Variants in AGAP9 observed in about 807,000 individuals in gnomAD.
The protein encoded by AGAP9 is ArfGAP with GTPase domain, ankyrin repeat and PH domain 9.
In AGAP9, 23 loss-of-function variants were observed where a neutral mutation model predicts 55.6. The observed-to-expected ratio is 0.41, with a 90% confidence interval of 0.30 to 0.59. The LOEUF (loss-of-function observed/expected upper bound fraction) is 0.59. Ranked by LOEUF, AGAP9 falls within the 20% of genes least tolerant of loss-of-function variation. The probability of loss-of-function intolerance (pLI) is 0.25; values close to 1 mark genes in which losing one functional copy is unlikely to be tolerated. For synonymous variants in AGAP9, 120 were observed against 305.0 expected, an observed-to-expected ratio of 0.39 and a Z score of 6.32; for missense variants, 309 against 808.1, an observed-to-expected ratio of 0.38 and a Z score of 7.49.
chr10:47,502,805 T>A lies in AGAP9; in HGVS notation c.1324A>T (p.Ile442Phe), dbSNP rs1840382606. 6.3e-7 allele frequency: 1 copy of A among 1,590,560 alleles called. No individual in the cohort carries two copies. The highest frequency in any genetic ancestry group is 1.4e-5 in the African/African-American group (1 of 72,910). Residue 442 changes from isoleucine (I) to phenylalanine (F), a missense_variant, in exon 8 of 8, where the codon ATC (isoleucine) becomes TTC (phenylalanine). Coordinates refer to ENST00000452145, the MANE Select transcript of AGAP9 (RefSeq NM_001190810.1). Reference protein sequence around the residue: ...DAWVQAIQSQILASLQSCKSS... With the variant: ...DAWVQAIQSQFLASLQSCKSS... Reference sequence around the variant, plus strand: ...TTGCATGACTGCAGGCTGGCCAGGATCTGGCTCTGGATGGCTTGGACCCAG... The same window carrying A: ...TTGCATGACTGCAGGCTGGCCAGGAACTGGCTCTGGATGGCTTGGACCCAG...
intron 2 of AGAP9, among the ~76,000 whole-genome samples, chr10:47,522,072 C>A (rs1246611333): frequency 1.3e-5 from 2 of 150,612 alleles, no homozygotes; most frequent in East Asian, 4.0e-4. Flanking sequence ...CAGGCGTGAG[C>A]CACCAAGCCC....
chr10:47,521,423 C>G (rs1170539678), intron 2 of AGAP9, among the ~76,000 whole-genome samples: 1 of 140,064 alleles, frequency 7.1e-6, no homozygotes. Flanking sequence ...GAAGATAGTA[C>G]TTCCAAGTTA....
At chr10:47,507,257 A>AGG (rs1282391622) in intron 6 of AGAP9, among the ~76,000 whole-genome samples, 16 of 116,720 alleles carry the variant, frequency 1.4e-4, no homozygotes, top group African/African-American at 4.7e-4. Flanking sequence ...TAATATCAAC[A>AGG]GTGGTAAGGC....
intron 6 of AGAP9, among the ~76,000 whole-genome samples, chr10:47,506,643 T>G (rs1170566266): frequency 4.2e-5 from 6 of 141,828 alleles, no homozygotes; most frequent in Non-Finnish European, 7.7e-5. Context: ...TTATTGCTTT[T>G]TTTGTTTGTT....
In AGAP9 at chr10:47,510,130, G is replaced by A. The variant is rs1408712192; in HGVS notation, c.497+41C>T. 3.9e-5 allele frequency: 46 copies of A among 1,185,148 alleles called. 7 individuals carry two copies. The highest frequency in any genetic ancestry group is 6.2e-5 in the South Asian group (4 of 64,436). The allele number at this position is 1,185,148 out of a possible 1,614,324, so 73.4% of individuals were successfully genotyped here. On this transcript the variant is annotated intron_variant, in intron 5 of 7. Transcript: ENST00000452145. ...CAACCAAATGGCTGAAATAATTTCC[G>A]AATAAAGGAATCTGTCCCTCGGCAG...
At position 47,502,225 on chromosome 10, in the gene AGAP9, C is replaced by G. The variant is rs1381971109; in HGVS notation, c.1904G>C (p.Gly635Ala). The G allele has an allele frequency of 6.4e-7, 1 of 1,574,144 alleles. No individual in the cohort carries two copies. Among genetic ancestry groups the G allele is most frequent in the Non-Finnish European group, 8.6e-7 (1 of 1,164,648 alleles). Residue 635 changes from glycine (G) to alanine (A), a missense_variant, in exon 8 of 8, where the codon GGG becomes GCG. By Grantham distance (60) the Gly-to-Ala change is moderately conservative (BLOSUM62 0). Coordinates refer to ENST00000452145, the MANE Select transcript of AGAP9 (RefSeq NM_001190810.1). Reference sequence around the variant, plus strand: ...CAGGAGCTGCTCCAGGACCACATTCCCCTTGCGGCAGGCCAGATGGAGTGC... The same window carrying G: ...CAGGAGCTGCTCCAGGACCACATTCGCCTTGCGGCAGGCCAGATGGAGTGC... Reference protein sequence around the residue: ...CTALHLACRKGNVVLEQLLTG... With the variant: ...CTALHLACRKANVVLEQLLTG...
chr10:47,510,248 T>C lies in AGAP9; in HGVS notation c.420A>G (p.Gln140=), dbSNP rs1426041228. 7 of 1,407,118 alleles carry C rather than the reference T, an allele frequency of 5.0e-6. 1 individual carries two copies. The highest frequency in any genetic ancestry group is 2.6e-4 in the Middle Eastern group (1 of 3,848). The allele number at this position is 1,407,118 out of a possible 1,614,324, so 87.2% of individuals were successfully genotyped here. ...TNHVSTERFS[Q]QYSSCSTIFL... ...ATATTGTCGAACACGAGCTGTATTG[T>C]TGACTGAAACGCTCAGTAGATACCT... The change falls in exon 5 of 8, where the codon CAA becomes CAG. Residue 140 remains glutamine (Q), a synonymous_variant. Transcript: ENST00000452145.
At chr10:47,510,001 C>T (rs1199910782) in intron 5 of AGAP9, among the ~76,000 whole-genome samples, 170 bp downstream of exon 5, 3 of 142,132 alleles carry the variant, frequency 2.1e-5, no homozygotes, top group African/African-American at 5.2e-5. Context: ...TTTTTCCTTC[C>T]ACCACGACGT....
chr10:47,511,242 CCTT>C (rs1840616385), intron 4 of AGAP9, among the ~76,000 whole-genome samples: 1 of 141,934 alleles, frequency 7.0e-6, no homozygotes, highest in Non-Finnish European at 1.5e-5. Context: ...GGCGCCCAGT[CCTT>C]CTATTATTTA....
Position 47,502,465 on chromosome 10 carries a change from G to A in AGAP9, c.1664C>T (p.Ser555Leu). Residue 555 changes from serine to leucine, a missense_variant, in exon 8 of 8, where the codon TCA (serine) becomes TTA (leucine). Ser to Leu is a moderately radical substitution (Grantham distance 145, BLOSUM62 -2). Transcript: ENST00000452145. ...EGSSQGQTKP[S>L]IKSTREEKEW... ...CTTCTCTTCCCTCGTGGACTTTATT[G>A]AGGGTTTTGTCTGCCCCTGGCTGCT... 2 of 1,612,874 alleles carry A rather than the reference G, an allele frequency of 1.2e-6. No homozygotes were observed. Among genetic ancestry groups the A allele is most frequent in the East Asian group, 4.5e-5 (2 of 44,812 alleles).
chr10:47,513,526 AG>A (rs1440207935), intron 4 of AGAP9, among the ~76,000 whole-genome samples: 1 of 142,268 alleles, frequency 7.0e-6, no homozygotes, highest in Non-Finnish European at 1.5e-5. Context: ...TCACAGAACT[AG>A]AAAAAACAGT....
intron 4 of AGAP9, among the ~76,000 whole-genome samples, chr10:47,510,504 AG>A (rs1840585673): frequency 7.6e-6 from 1 of 131,182 alleles, no homozygotes; most frequent in Non-Finnish European, 1.6e-5. Context: ...AAACCTAACA[AG>A]GATTTTATGA....
intron 4 of AGAP9, among the ~76,000 whole-genome samples, chr10:47,516,096 C>T (rs1840711071): frequency 9.7e-6 from 1 of 103,382 alleles, no homozygotes; most frequent in African/African-American, 3.9e-5. Context: ...AATAAAAAGA[C>T]AAACTGAAAA....
chr10:47,513,081 G>A (rs1840659319), intron 4 of AGAP9, among the ~76,000 whole-genome samples: 2 of 142,696 alleles, frequency 1.4e-5, no homozygotes, highest in Admixed American at 7.0e-5. Flanking sequence ...TGCCCAGGCT[G>A]GAGTATGCAA....
intron 3 of AGAP9, among the ~76,000 whole-genome samples, chr10:47,519,467 C>CAA (rs1190844472): frequency 2.4e-5 from 2 of 84,766 alleles, no homozygotes; most frequent in Non-Finnish European, 4.7e-5. Flanking sequence ...GACTCCATTT[C>CAA]AAAAAAAAAA....
intron 4 of AGAP9, among the ~76,000 whole-genome samples, chr10:47,513,568 G>A (rs1355036343): frequency 2.1e-5 from 3 of 140,734 alleles, no homozygotes; most frequent in African/African-American, 7.7e-5. Flanking sequence ...AACAAGAACC[G>A]GCACAGCCAA....
At position 47,502,453 on chromosome 10, in the gene AGAP9, G is replaced by T; in HGVS notation, c.1676C>A (p.Thr559Lys). 6.2e-7 allele frequency: 1 copy of T among 1,612,542 alleles called. No individual in the cohort carries two copies. The highest frequency in any genetic ancestry group is 8.5e-7 in the Non-Finnish European group (1 of 1,179,924). ...QGQTKPSIKS[T>K]REEKEWWIRS... ...GATCCACCATTCCTTCTCTTCCCTC[G>T]TGGACTTTATTGAGGGTTTTGTCTG... Residue 559 changes from threonine (T) to lysine (K), a missense_variant, in exon 8 of 8, where the codon ACG becomes AAG. Coordinates refer to ENST00000452145, the MANE Select transcript of AGAP9 (RefSeq NM_001190810.1).
chr10:47,521,434 C>G (rs1259637442), intron 2 of AGAP9, among the ~76,000 whole-genome samples: 1 of 139,786 alleles, frequency 7.2e-6, no homozygotes, highest in Non-Finnish European at 1.5e-5. Flanking sequence ...TTCCAAGTTA[C>G]AAAGTCACAC....
Position 47,508,111 on chromosome 10 carries a change from C to T in AGAP9, c.498-528G>A, listed in dbSNP as rs1270250290. ...TGGAGTTTCGCTCTTGTTGCCCAGG[C>T]TGGAGTGCAATGGTGTGATCTCGGC... On this transcript the variant is annotated intron_variant, in intron 5 of 7. Coordinates refer to ENST00000452145, the MANE Select transcript of AGAP9 (RefSeq NM_001190810.1). 3.0e-4 allele frequency among the ~76,000 whole-genome samples: 38 copies of T among 125,514 alleles called. 3 individuals carry two copies. Among genetic ancestry groups the T allele is most frequent in the Non-Finnish European group, 4.8e-4 (29 of 59,874 alleles). 82.3% of individuals were successfully genotyped at this position (125,514 alleles called of 152,430 possible). A position where few individuals can be genotyped will look rare whatever the true frequency, so the allele number is the denominator to read the frequency against.
Sources: gnomAD v4.1 joint callset for allele counts (sites outside exome capture counted in the v4.1 genomes callset) on GRCh38, gnomAD v4.1.1 for gene constraint, MANE v1.5 for transcripts, NCBI Gene and HGNC (gene_info 2026-07-23, HGNC 2026-07-21) for gene names.